The following RALGAPA1 variants were observed in gnomAD, a reference collection of about 807,000 sequenced individuals.
RALGAPA1 encodes the protein Ral GTPase activating protein catalytic subunit alpha 1.
In RALGAPA1, 52 loss-of-function variants were observed where a neutral mutation model predicts 269.6. The observed-to-expected ratio is 0.19, with a 90% CI of 0.15 to 0.24. RALGAPA1 has a LOEUF of 0.24. RALGAPA1 is among the 10% of genes least tolerant of loss of function. The pLI, the probability that RALGAPA1 is intolerant of heterozygous loss-of-function variation, is 1.00. For synonymous variants in RALGAPA1, 817 were observed against 1,008.3 expected (o/e 0.81, Z 3.60); for missense variants, 1,917 against 3,013.9 (o/e 0.64, Z 8.52).
At position 35,805,734 on chromosome 14, in the gene RALGAPA1, G is replaced by A. The variant is rs183669919; in HGVS notation, c.106+2996C>T. On this transcript the variant is annotated intron_variant, in intron 1 of 41. Coordinates refer to ENST00000680220, the MANE Select transcript of RALGAPA1 (RefSeq NM_001346249.2). Reference sequence around the variant, plus strand: ...GAGTCTCGCTCTGTTGCCCAGGCTGGAGTGCAGTAGCGTGATCTCGACTCA... The same window carrying A: ...GAGTCTCGCTCTGTTGCCCAGGCTGAAGTGCAGTAGCGTGATCTCGACTCA... Among the ~76,000 whole-genome samples the A allele has an allele frequency of 3.7e-3, 549 of 150,304 alleles. 2 individuals are homozygous for A. Among genetic ancestry groups the A allele is most frequent in the African/African-American group, 0.012 (505 of 40,838 alleles).
rs1373510650 is a variant in RALGAPA1 at position 35,538,400 on chromosome 14, T to A, written c.*1314A>T. Reference sequence around the variant, plus strand: ...TTTTATTGTATTATTAAATACCATGTCATCTTTCCCCCCCACTGTTACAAA... The same window carrying A: ...TTTTATTGTATTATTAAATACCATGACATCTTTCCCCCCCACTGTTACAAA... On this transcript the variant is annotated 3_prime_UTR_variant, in exon 42 of 42. Coordinates refer to ENST00000680220, the MANE Select transcript of RALGAPA1 (RefSeq NM_001346249.2). 1.3e-5 allele frequency: 2 copies of A among 152,702 alleles called. No homozygotes were observed. The highest frequency in any genetic ancestry group is 3.9e-4 in the East Asian group (2 of 5,192). The allele number at this position is 152,702 out of a possible 1,614,324, so 9.5% of individuals were successfully genotyped here. A position where few individuals can be genotyped will look rare whatever the true frequency, so the allele number is the denominator to read the frequency against.
chr14:35,774,389 A>C (rs2074865012), intron 3 of RALGAPA1, among the ~76,000 whole-genome samples: 1 of 152,154 alleles, frequency 6.6e-6, no homozygotes, highest in African/African-American at 2.4e-5. Flanking sequence ...AATAAAGAGC[A>C]AGGAGTTATT....
At chr14:35,702,414 GC>G (rs1164934530) in intron 16 of RALGAPA1, among the ~76,000 whole-genome samples, 2 of 152,114 alleles carry the variant, frequency 1.3e-5, no homozygotes, top group Non-Finnish European at 2.9e-5. Context: ...TAAGATAATG[GC>G]AACAATTTGT....
At chr14:35,616,538 T>C (rs564646153) in intron 35 of RALGAPA1, among the ~76,000 whole-genome samples, 2 of 152,300 alleles carry the variant, frequency 1.3e-5, no homozygotes, top group South Asian at 2.1e-4. Context: ...TACACATTTA[T>C]CAAAACCAAT....
At chr14:35,725,702 A>T (rs1321524696) in intron 13 of RALGAPA1, among the ~76,000 whole-genome samples, 1 of 139,158 alleles carries the variant, frequency 7.2e-6, no homozygotes, top group African/African-American at 2.6e-5. Context: ...CTTGTCTCTC[A>T]AAAAAAAAAA....
chr14:35,700,401 A>C, intron 16 of RALGAPA1, 99 bp from the exon 17 acceptor site: 1 of 891,062 alleles, frequency 1.1e-6, no homozygotes, highest in Non-Finnish European at 1.5e-6. Flanking sequence ...AGAAAACTAA[A>C]AGGTACAAAG....
chr14:35,631,833 G>A (rs1478965664), intron 33 of RALGAPA1, among the ~76,000 whole-genome samples: 2 of 152,152 alleles, frequency 1.3e-5, no homozygotes, highest in African/African-American at 2.4e-5. Context: ...AGCATTATAA[G>A]TAACATAGGT....
rs534713865 is a variant in RALGAPA1, at chr14:35,724,147, G to T, written c.1866+877C>A. Among the ~76,000 whole-genome samples the T allele has an allele frequency of 1.1e-3, 168 of 152,126 alleles. 1 individual carries two copies. Among genetic ancestry groups the T allele is most frequent in the African/African-American group, 4.0e-3 (167 of 41,514 alleles). On this transcript the variant is annotated intron_variant, in intron 14 of 41. Coordinates refer to ENST00000680220, the MANE Select transcript of RALGAPA1 (RefSeq NM_001346249.2). ...TAGCAAGATAAAATTTTATCTTCCT[G>T]TAGCTCCCATCATCGGGTTAGCTCT...
chr14:35,703,898 A>G (rs1216530618), intron 16 of RALGAPA1, among the ~76,000 whole-genome samples: 1 of 152,112 alleles, frequency 6.6e-6, no homozygotes, highest in East Asian at 1.9e-4. Context: ...CTTGGACCAT[A>G]CAGACTATAT....
At chr14:35,678,189 T>A in intron 21 of RALGAPA1, 87 bp from the exon 22 acceptor site, 1 of 1,262,690 alleles carries the variant, frequency 7.9e-7, no homozygotes, top group Non-Finnish European at 1.1e-6. Context: ...ATAAAAGAAA[T>A]TTTAAACACC....
At chr14:35,741,868 C>G (rs1951844) in intron 11 of RALGAPA1, among the ~76,000 whole-genome samples, 17,644 of 152,146 alleles carry the variant, frequency 0.12, 1,123 homozygotes, top group South Asian at 0.14. Flanking sequence ...TCTTTCTTAT[C>G]ACAGAATAAC....
At chr14:35,738,706 C>A in intron 11 of RALGAPA1, 56 bp from the exon 12 acceptor site, 4 of 1,423,840 alleles carry the variant, frequency 2.8e-6, no homozygotes, top group South Asian at 1.3e-5. Context: ...TGCAACTAGT[C>A]AGTTAAGTTG....
At chr14:35,574,598 TC>T (rs2057421905) in intron 37 of RALGAPA1, among the ~76,000 whole-genome samples, 1 of 152,184 alleles carries the variant, frequency 6.6e-6, no homozygotes, top group African/African-American at 2.4e-5. Context: ...TTATGATATA[TC>T]TTCTTCAAGA....
At chr14:35,559,933 C>A (rs778457505) in intron 39 of RALGAPA1, among the ~76,000 whole-genome samples, 5 of 152,110 alleles carry the variant, frequency 3.3e-5, no homozygotes, top group African/African-American at 4.8e-5. Context: ...CTCAGATGCT[C>A]TTTTAAAAAT....
rs145593639 is a variant in RALGAPA1, at chr14:35,674,273, T to C, written c.4824A>G (p.Arg1608=). The change falls in exon 24 of 42, where the codon AGA becomes AGG. Residue 1608 remains arginine (R), a synonymous_variant. Transcript: ENST00000680220. ...CELWQNLAKI[R]DNLGISTDNL... The stretch of plus-strand genomic sequence containing the variant: ...TATCAGTTGAAATGCCAAGGTTATC[T>C]CTAATCTGTAATTTTCAAATAAAAA... 5.5e-5 allele frequency: 89 copies of C among 1,606,098 alleles called. No homozygotes were observed. In the East Asian group the frequency reaches 1.3e-3, roughly 24 times the overall value.
rs1478150814 is a variant in RALGAPA1, at chr14:35,689,230, T to C, written c.3181A>G (p.Lys1061Glu). The C allele has an allele frequency of 6.5e-5, 80 of 1,232,382 alleles. No homozygotes were observed. The highest frequency in any genetic ancestry group is 8.0e-5 in the Non-Finnish European group (79 of 988,242). 76.3% of individuals were successfully genotyped at this position (1,232,382 alleles called of 1,614,324 possible). A position where few individuals can be genotyped will look rare whatever the true frequency, so the allele number is the denominator to read the frequency against. The change falls in exon 18 of 42, where the codon AAA becomes GAA. Residue 1061 changes from lysine to glutamate, a missense_variant. Transcript: ENST00000680220. ...GTGGCTGCTTGTCTGTACAGATGTT[T>C]CCTTTTTTCTTTATCACAAGGGCTA... is the stretch of plus-strand genomic sequence containing the variant. ...LDSPCDKEKR[K>E]HLYRQAATEL...
At chr14:35,660,575 A>G (rs1270797506) in intron 27 of RALGAPA1, among the ~76,000 whole-genome samples, 2 of 152,096 alleles carry the variant, frequency 1.3e-5, no homozygotes, top group African/African-American at 4.8e-5. Context: ...ATATAATCCA[A>G]AGCAATCCTA....
At chr14:35,668,498 G>A (rs1362555635) in intron 26 of RALGAPA1, among the ~76,000 whole-genome samples, 1 of 150,950 alleles carries the variant, frequency 6.6e-6, no homozygotes, top group Non-Finnish European at 1.5e-5. Flanking sequence ...AAAAAAAAAT[G>A]TACATTAAAA....
At chr14:35,616,139 A>C (rs2060239085) in intron 35 of RALGAPA1, among the ~76,000 whole-genome samples, 1 of 152,178 alleles carries the variant, frequency 6.6e-6, no homozygotes, top group Admixed American at 6.5e-5. Context: ...GGGAAAGGGA[A>C]ATGGTCAAAT....
Sources: gnomAD v4.1 joint callset for allele counts (sites outside exome capture counted in the v4.1 genomes callset) on GRCh38, gnomAD v4.1.1 for gene constraint, MANE v1.5 for transcripts, NCBI Gene and HGNC (gene_info 2026-07-23, HGNC 2026-07-21) for gene names.